EFCAB7: variants seen among roughly 807,000 people sequenced by gnomAD.
EFCAB7 encodes EF-hand calcium binding domain 7.
Under a neutral mutation model 77.1 loss-of-function variants are expected in EFCAB7, and 66 were observed. The observed-to-expected ratio is 0.86, with a 90% CI of 0.70 to 1.05. The LOEUF (loss-of-function observed/expected upper bound fraction) is 1.05, where lower values mean the gene tolerates loss of function less well. Ranked by LOEUF, EFCAB7 falls within the 50% of genes least tolerant of loss-of-function variation. The probability of loss-of-function intolerance (pLI) is 0.00; values close to 1 mark genes in which losing one functional copy is unlikely to be tolerated. For synonymous variants in EFCAB7, 225 were observed against 243.3 expected, an observed-to-expected ratio of 0.92 and a Z score of 0.70; for missense variants, 638 against 730.5, an observed-to-expected ratio of 0.87 and a Z score of 1.46.
Position 63,571,070 on chromosome 1 carries a change from G to A in EFCAB7, c.1757G>A (p.Cys586Tyr), listed in dbSNP as rs761387854. Residue 586 changes from cysteine to tyrosine, a missense_variant, in exon 13 of 14, where the codon TGC becomes TAC. Transcript: ENST00000371088. ...IHISNELSKN[C>Y]INNRGLNIFA... ...ATCAGCAATGAGCTAAGTAAAAACT[G>A]CATAAACAACAGAGGACTCAACATA... is the stretch of plus-strand genomic sequence containing the variant. 1 of 1,612,294 alleles carries A rather than the reference G, an allele frequency of 6.2e-7. No individual in the cohort carries two copies. Among genetic ancestry groups the A allele is most frequent in the East Asian group, 2.2e-5 (1 of 44,698 alleles).
chr1:63,552,829 C>G (rs1646982669), intron 8 of EFCAB7, among the ~76,000 whole-genome samples: 1 of 152,110 alleles, frequency 6.6e-6, no homozygotes, highest in Admixed American at 6.5e-5. Context: ...TCCTTACAGA[C>G]AAGAATAGGC....
At chr1:63,530,251 A>C (rs1646671669) in intron 2 of EFCAB7, among the ~76,000 whole-genome samples, 1 of 152,210 alleles carries the variant, frequency 6.6e-6, no homozygotes, top group South Asian at 2.1e-4. Flanking sequence ...ATTGTACAAT[A>C]TCCAGATTAT....
intron 2 of EFCAB7, among the ~76,000 whole-genome samples, chr1:63,528,675 C>T (rs1443825016): frequency 6.6e-6 from 1 of 151,644 alleles, no homozygotes; most frequent in Non-Finnish European, 1.5e-5. Flanking sequence ...ATATTATACA[C>T]CTACTATGTA....
chr1:63,563,432 C>T lies in EFCAB7; in HGVS notation c.1497+1575C>T, dbSNP rs932548575. 4.6e-5 allele frequency among the ~76,000 whole-genome samples: 7 copies of T among 152,314 alleles called. 1 individual carries two copies. The highest frequency in any genetic ancestry group is 4.1e-4 in the South Asian group (2 of 4,828). ...GCTATGCTGATCAGGCACAGTCTCT[C>T]GGCTAAGAGCAGAATGCTCATTTAT... is the stretch of plus-strand genomic sequence containing the variant. On this transcript the variant is annotated intron_variant, in intron 11 of 13. Coordinates refer to ENST00000371088, the MANE Select transcript of EFCAB7 (RefSeq NM_032437.4).
the EFCAB7 span, among the ~76,000 whole-genome samples, chr1:63,579,389 A>G: frequency 6.6e-6 from 1 of 152,210 alleles, no homozygotes; most frequent in Non-Finnish European, 1.5e-5. Flanking sequence ...AATTGTATGT[A>G]TCAATAGTTC....
intron 6 of EFCAB7, among the ~76,000 whole-genome samples, chr1:63,539,696 C>T (rs1370427056): frequency 6.6e-6 from 1 of 152,108 alleles, no homozygotes; most frequent in East Asian, 1.9e-4. Flanking sequence ...ATTTCTTCTA[C>T]TTTTATAAGT....
At chr1:63,541,490 T>C (rs1646828483) in intron 6 of EFCAB7, among the ~76,000 whole-genome samples, 1 of 152,118 alleles carries the variant, frequency 6.6e-6, no homozygotes, top group African/African-American at 2.4e-5. Flanking sequence ...ATTAATATTG[T>C]GATAAGAAAT....
At chr1:63,568,282 C>CAAGA in intron 11 of EFCAB7, 28 bp from the exon 12 acceptor site, 1 of 1,545,438 alleles carries the variant, frequency 6.5e-7, no homozygotes, top group Non-Finnish European at 8.8e-7. Context: ...TATCAAAAGG[C>CAAGA]TGAAACAAGA....
At chr1:63,561,915 G>C in intron 11 of EFCAB7, 58 bp downstream of exon 11, 1 of 1,303,488 alleles carries the variant, frequency 7.7e-7, no homozygotes, top group Middle Eastern at 2.2e-4. Flanking sequence ...TTTACTTTAT[G>C]AACATTTTCC....
intron 8 of EFCAB7, among the ~76,000 whole-genome samples, chr1:63,554,638 C>T (rs1447190967): frequency 6.6e-6 from 1 of 152,244 alleles, no homozygotes; most frequent in Non-Finnish European, 1.5e-5. Flanking sequence ...CCATGCCCAG[C>T]CTGCTTTCTT....
downstream of EFCAB7, among the ~76,000 whole-genome samples, chr1:63,575,349 G>A (rs1045173597): frequency 6.6e-6 from 1 of 151,676 alleles, no homozygotes; most frequent in Non-Finnish European, 1.5e-5. Flanking sequence ...TTTTGGTTTA[G>A]GTTAAATATG....
intron 11 of EFCAB7, among the ~76,000 whole-genome samples, chr1:63,562,442 AATTT>A (rs749376317): frequency 0.064 from 2,759 of 43,316 alleles, 184 homozygotes; most frequent in African/African-American, 0.072. Context: ...AGGCCTTCTT[AATTT>A]ATTTATATAT....
intron 11 of EFCAB7, among the ~76,000 whole-genome samples, chr1:63,567,597 A>C (rs1246891604): frequency 6.6e-6 from 1 of 152,210 alleles, no homozygotes; most frequent in East Asian, 1.9e-4. Context: ...AACCTGAAGC[A>C]GGAAGACAAG....
chr1:63,549,703 G>T, intron 7 of EFCAB7: 1 of 262,158 alleles, frequency 3.8e-6, no homozygotes, highest in South Asian at 4.4e-5. Flanking sequence ...TTTTACACAT[G>T]TCAAGGGATT....
Position 63,551,758 on chromosome 1 carries a change from C to G in EFCAB7, c.980C>G (p.Ala327Gly), listed in dbSNP as rs2100904970. 6.3e-7 allele frequency: 1 copy of G among 1,581,238 alleles called. No individual in the cohort carries two copies. The highest frequency in any genetic ancestry group is 1.2e-5 in the South Asian group (1 of 83,512). The change falls in exon 8 of 14, where the codon GCC becomes GGC. Residue 327 changes from alanine (A) to glycine (G), a missense_variant. Transcript: ENST00000371088. ...TCCCCTTGGTTATCCGTTGATACTG[C>G]CTTGTATATTCTCAAGGAAAATGAG... is the stretch of plus-strand genomic sequence containing the variant. ...KPSPWLSVDT[A>G]LYILKENESQ...
At chr1:63,531,338 A>G (rs1224500763) in intron 2 of EFCAB7, among the ~76,000 whole-genome samples, 1 of 152,114 alleles carries the variant, frequency 6.6e-6, no homozygotes, top group African/African-American at 2.4e-5. Flanking sequence ...AGGTTCATCC[A>G]TGTTGTTGCA....
At chr1:63,581,765 A>C in the EFCAB7 span, among the ~76,000 whole-genome samples, 2,238 of 152,322 alleles carry the variant, frequency 0.015, 21 homozygotes, top group Non-Finnish European at 0.021. Context: ...ATAACCAAAA[A>C]AGCAAGAAAA....
At chr1:63,532,954 CTTT>C (rs1646717119) in intron 4 of EFCAB7, among the ~76,000 whole-genome samples, 198 bp downstream of exon 4, 2 of 152,024 alleles carry the variant, frequency 1.3e-5, no homozygotes, top group Admixed American at 1.3e-4. Context: ...AGGGATGCAT[CTTT>C]TTAATATTGG....
chr1:63,565,957 C>T (rs982654363), intron 11 of EFCAB7, among the ~76,000 whole-genome samples: 5 of 152,072 alleles, frequency 3.3e-5, no homozygotes, highest in African/African-American at 1.2e-4. Context: ...TCCTCAAAGA[C>T]CTAAAGACAA....
Sources: gnomAD v4.1 joint callset for allele counts (sites outside exome capture counted in the v4.1 genomes callset) on GRCh38, gnomAD v4.1.1 for gene constraint, MANE v1.5 for transcripts, NCBI Gene and HGNC (gene_info 2026-07-23, HGNC 2026-07-21) for gene names.